The following CERS6 variants were observed in gnomAD, a reference collection of about 807,000 sequenced individuals.
CERS6 encodes LAG1 homolog, ceramide synthase 6.
A neutral mutation model predicts 56.8 loss-of-function variants in CERS6; 26 were observed. The observed-to-expected ratio is 0.46, with a 90% confidence interval of 0.34 to 0.63. The LOEUF (loss-of-function observed/expected upper bound fraction) is 0.63. Ranked by LOEUF, CERS6 falls within the 30% of genes least tolerant of loss-of-function variation. CERS6 has a pLI of 0.01. For missense variants in CERS6, 415 were observed against 467.5 expected (o/e 0.89, Z 1.04); for synonymous variants, 164 against 173.3 (o/e 0.95, Z 0.42).
At chr2:168,627,346 A>G (rs1464489188) in intron 3 of CERS6, among the ~76,000 whole-genome samples, 1 of 152,144 alleles carries the variant, frequency 6.6e-6, no homozygotes, top group Non-Finnish European at 1.5e-5. Flanking sequence ...TTTTGTTTGT[A>G]TATTGGTGGG....
intron 4 of CERS6, among the ~76,000 whole-genome samples, chr2:168,652,575 T>TA (rs35961972): frequency 0.17 from 23,378 of 138,932 alleles, 2,030 homozygotes; most frequent in South Asian, 0.38. Flanking sequence ...AAAAAAGTGT[T>TA]AAAAAAAAAA....
At chr2:168,752,046 A>T (rs1684285836) in intron 8 of CERS6, among the ~76,000 whole-genome samples, 1 of 152,136 alleles carries the variant, frequency 6.6e-6, no homozygotes, top group South Asian at 2.1e-4. Context: ...TCTCTCAGGG[A>T]TACAATTGCA....
At chr2:168,539,833 T>A (rs777498167) in intron 1 of CERS6, among the ~76,000 whole-genome samples, 15 of 152,196 alleles carry the variant, frequency 9.9e-5, no homozygotes, top group Non-Finnish European at 1.5e-4. Flanking sequence ...TATGCATAGG[T>A]TTTTTTCTGG....
rs773716060 is a variant in CERS6 at position 168,657,902 on chromosome 2, A to G, written c.465+26860A>G. Among the ~76,000 whole-genome samples, 1,092 of 152,296 alleles carry G rather than the reference A, an allele frequency of 7.2e-3. 10 individuals are homozygous for G. Among genetic ancestry groups the G allele is most frequent in the African/African-American group, 0.022 (927 of 41,564 alleles). ...AGTGGCTCCCACAGTGCAGTGGGGG[A>G]CTGAAGGGCTCCTCAAATGCCACCG... On this transcript the variant is annotated intron_variant, in intron 4 of 9. Coordinates refer to ENST00000305747, the MANE Select transcript of CERS6 (RefSeq NM_203463.3).
intron 5 of CERS6, among the ~76,000 whole-genome samples, chr2:168,693,581 A>T (rs983005715): frequency 6.6e-6 from 1 of 152,112 alleles, no homozygotes; most frequent in Non-Finnish European, 1.5e-5. Context: ...AATGCCTTCA[A>T]GTTTTACAAG....
At chr2:168,733,403 A>C (rs1559072224) in intron 8 of CERS6, among the ~76,000 whole-genome samples, 1 of 152,162 alleles carries the variant, frequency 6.6e-6, no homozygotes, top group Non-Finnish European at 1.5e-5. Flanking sequence ...ACAGATGGAG[A>C]TTGTTTTCCC....
intron 3 of CERS6, among the ~76,000 whole-genome samples, chr2:168,570,484 C>T (rs914886823): frequency 6.6e-6 from 1 of 152,140 alleles, no homozygotes; most frequent in Non-Finnish European, 1.5e-5. Context: ...ACACGGCTTG[C>T]CTGCACCAGG....
At chr2:168,634,236 G>T (rs1420271522) in intron 4 of CERS6, among the ~76,000 whole-genome samples, 2 of 152,192 alleles carry the variant, frequency 1.3e-5, no homozygotes, top group Non-Finnish European at 2.9e-5. Context: ...CTGTATATAA[G>T]AGAGTCTGCT....
At chr2:168,680,275 C>T (rs1366346844) in intron 4 of CERS6, among the ~76,000 whole-genome samples, 1 of 152,146 alleles carries the variant, frequency 6.6e-6, no homozygotes, top group Admixed American at 6.5e-5. Flanking sequence ...CAGTGGTCTG[C>T]CAAGCAGGCA....
rs116742199 is a variant in CERS6 at position 168,497,684 on chromosome 2, A to G, written c.170+41066A>G. Among the ~76,000 whole-genome samples, 586 of 152,304 alleles carry G rather than the reference A, an allele frequency of 3.8e-3. 2 individuals are homozygous for G. The highest frequency in any genetic ancestry group is 0.014 in the African/African-American group (572 of 41,576). ...AGAACAGGAGCAGGCAAAGTTGGTG[A>G]CATGGTGGCTGGCTCATCACAGAGG... On this transcript the variant is annotated intron_variant, in intron 1 of 9. Transcript: ENST00000305747.
chr2:168,470,504 T>C, intron 1 of CERS6, among the ~76,000 whole-genome samples: 1 of 152,202 alleles, frequency 6.6e-6, no homozygotes, highest in East Asian at 1.9e-4. Flanking sequence ...AAGTGTGGGT[T>C]GGAGCTTCTG....
chr2:168,771,959 C>A lies in CERS6; in HGVS notation c.*2297C>A, dbSNP rs1176622880. Reference sequence around the variant, plus strand: ...CACTTCACACAGTCGTCTATGTTATCCAGAGATTTTTATTTCATTTTACAT... The same window carrying A: ...CACTTCACACAGTCGTCTATGTTATACAGAGATTTTTATTTCATTTTACAT... On this transcript the variant is annotated 3_prime_UTR_variant, in exon 10 of 10. Coordinates refer to ENST00000305747, the MANE Select transcript of CERS6 (RefSeq NM_203463.3). 6.6e-6 allele frequency: 1 copy of A among 152,162 alleles called. No homozygotes were observed. The highest frequency in any genetic ancestry group is 2.4e-5 in the African/African-American group (1 of 41,434). 9.4% of individuals were successfully genotyped at this position (152,162 alleles called of 1,614,324 possible). A position where few individuals can be genotyped will look rare whatever the true frequency, so the allele number is the denominator to read the frequency against.
chr2:168,497,942 C>A (rs994694189), intron 1 of CERS6, among the ~76,000 whole-genome samples: 4 of 152,130 alleles, frequency 2.6e-5, no homozygotes, highest in Admixed American at 1.3e-4. Context: ...GTTAGGGAGA[C>A]CCTTACTAAT....
intron 3 of CERS6, among the ~76,000 whole-genome samples, chr2:168,620,011 C>CA (rs1684423336): frequency 5.9e-4 from 22 of 37,264 alleles, no homozygotes; most frequent in African/African-American, 1.2e-3. Flanking sequence ...GTTCCACAAT[C>CA]CATACACACA....
chr2:168,737,053 G>A (rs62175677), intron 8 of CERS6, among the ~76,000 whole-genome samples: 1,980 of 152,248 alleles, frequency 0.013, 20 homozygotes, highest in Middle Eastern at 0.099. Flanking sequence ...CTTTTTATCC[G>A]ATCCTGTGAA....
At chr2:168,488,722 T>G (rs1214384064) in intron 1 of CERS6, among the ~76,000 whole-genome samples, 1 of 152,116 alleles carries the variant, frequency 6.6e-6, no homozygotes, top group African/African-American at 2.4e-5. Flanking sequence ...AAAAAATTTT[T>G]TTTTGGTGAA....
intron 1 of CERS6, among the ~76,000 whole-genome samples, chr2:168,473,337 G>C (rs991215954): frequency 2.0e-4 from 31 of 151,712 alleles, no homozygotes; most frequent in Admixed American, 1.8e-3. Flanking sequence ...ATCTCTGTTT[G>C]CATTTTTTTC....
At chr2:168,505,115 G>A (rs1321346781) in intron 1 of CERS6, among the ~76,000 whole-genome samples, 1 of 151,982 alleles carries the variant, frequency 6.6e-6, no homozygotes, top group Non-Finnish European at 1.5e-5. Flanking sequence ...GGTGGCTCAC[G>A]CCTGTAATAC....
intron 1 of CERS6, among the ~76,000 whole-genome samples, chr2:168,495,187 G>A (rs562860395): frequency 5.3e-5 from 8 of 152,174 alleles, no homozygotes; most frequent in Non-Finnish European, 1.2e-4. Context: ...TCTCATGATT[G>A]TGAATTGTAC....
Sources: gnomAD v4.1 joint callset for allele counts (sites outside exome capture counted in the v4.1 genomes callset) on GRCh38, gnomAD v4.1.1 for gene constraint, MANE v1.5 for transcripts, NCBI Gene and HGNC (gene_info 2026-07-23, HGNC 2026-07-21) for gene names.